Variants in B3GALT5 observed in about 807,000 individuals in gnomAD.
B3GALT5 encodes UDP-Gal:betaGlcNAc beta 1,3-galactosyltransferase, polypeptide 5.
For synonymous variants in B3GALT5, 156 were observed against 158.6 expected (o/e 0.98, Z 0.12); for missense variants, 328 against 396.6 (o/e 0.83, Z 1.47).
At chr21:39,652,300 A>G (rs1464244003) in intron 2 of B3GALT5, among the ~76,000 whole-genome samples, 1 of 152,226 alleles carries the variant, frequency 6.6e-6, no homozygotes, top group Non-Finnish European at 1.5e-5. Context: ...CCTGTTTGTC[A>G]TATAACTGGA....
chr21:39,644,946 C>T (rs498027), intron 1 of B3GALT5, among the ~76,000 whole-genome samples: 39,674 of 151,982 alleles, frequency 0.26, 5,305 homozygotes, highest in South Asian at 0.4. Flanking sequence ...CCTTTCTTCT[C>T]ACTCTTCTTA....
rs1361979223 is a variant in B3GALT5 at position 39,639,458 on chromosome 21, T to C, written c.-391-6934T>C. ...TTTCTTTCTTTCTTTCTTTCTTTTT[T>C]TCTTTCTCTCTCTCTCTCTCTTTCT... On this transcript the variant is annotated intron_variant, in intron 1 of 3. Transcript: ENST00000684187. 2.2e-4 allele frequency among the ~76,000 whole-genome samples: 30 copies of C among 134,280 alleles called. 1 individual carries two copies. Among genetic ancestry groups the C allele is most frequent in the African/African-American group, 9.0e-4 (30 of 33,488 alleles). 88.1% of individuals were successfully genotyped at this position (134,280 alleles called of 152,430 possible).
At chr21:39,657,987 G>A in intron 2 of B3GALT5, 1 of 1,119,334 alleles carries the variant, frequency 8.9e-7, no homozygotes, top group Non-Finnish European at 1.1e-6. Context: ...TTTGCAGCTG[G>A]CCTGGGGTGG....
At chr21:39,658,229 G>A (rs1007584935) in intron 2 of B3GALT5, among the ~76,000 whole-genome samples, 5 of 152,042 alleles carry the variant, frequency 3.3e-5, no homozygotes, top group Admixed American at 6.5e-5. Context: ...AAATGACCCC[G>A]GGTCATTTGG....
At chr21:39,650,426 C>T (rs1184232620) in intron 2 of B3GALT5, among the ~76,000 whole-genome samples, 1 of 152,322 alleles carries the variant, frequency 6.6e-6, no homozygotes, top group African/African-American at 2.4e-5. Context: ...CCTCACGGAG[C>T]TTCCTGTGGC....
intron 1 of B3GALT5, among the ~76,000 whole-genome samples, chr21:39,643,913 G>A (rs948810208): frequency 2.6e-5 from 4 of 152,142 alleles, no homozygotes; most frequent in African/African-American, 7.2e-5. Flanking sequence ...TCTTGTGGAA[G>A]TGATTGACAC....
intron 2 of B3GALT5, among the ~76,000 whole-genome samples, chr21:39,653,534 G>A (rs1415869052): frequency 6.6e-6 from 1 of 152,234 alleles, no homozygotes; most frequent in African/African-American, 2.4e-5. Flanking sequence ...CCCCTGTGGT[G>A]TTACAGGAGT....
In B3GALT5 at chr21:39,617,214, A is replaced by G. The variant is rs533540274; in HGVS notation, c.-392+4147A>G. On this transcript the variant is annotated intron_variant, in intron 1 of 3. Coordinates refer to ENST00000684187, the MANE Select transcript of B3GALT5 (RefSeq NM_001356336.2). ...TTATGGTATTGACTTCAATATTTCAAGCTCTCTAAAATGGTTTCGTATGGT... is the reference window on the plus strand; with the variant it reads ...TTATGGTATTGACTTCAATATTTCAGGCTCTCTAAAATGGTTTCGTATGGT... Among the ~76,000 whole-genome samples the G allele has an allele frequency of 5.3e-5, 8 of 152,324 alleles. No individual in the cohort carries two copies. The South Asian group carries it at 1.4e-3, about 28-fold the overall frequency.
In B3GALT5 at chr21:39,670,319, A is replaced by C. The variant is rs1287893588; in HGVS notation, c.*8827A>C. ...TGCTCAGTGGAAGCTGGTTCTGAAC[A>C]ATGTTAACTGCCCCACCCGTGTCCA... On this transcript the variant is annotated 3_prime_UTR_variant, in exon 4 of 4. Transcript: ENST00000684187. 1 of 152,070 alleles carries C rather than the reference A, an allele frequency of 6.6e-6. No homozygotes were observed. Among genetic ancestry groups the C allele is most frequent in the African/African-American group, 2.4e-5 (1 of 41,402 alleles). 9.4% of individuals were successfully genotyped at this position (152,070 alleles called of 1,614,324 possible).
At chr21:39,654,323 C>A (rs2079421695) in intron 2 of B3GALT5, among the ~76,000 whole-genome samples, 1 of 152,192 alleles carries the variant, frequency 6.6e-6, no homozygotes, top group Non-Finnish European at 1.5e-5. Flanking sequence ...CTCAAGTGAT[C>A]TGCCTGCCTT....
Position 39,659,557 on chromosome 21 carries a change from T to A in B3GALT5, c.-160-196T>A, listed in dbSNP as rs146635655. 4.8e-3 allele frequency among the ~76,000 whole-genome samples: 733 copies of A among 152,304 alleles called. 7 individuals are homozygous for A. The highest frequency in any genetic ancestry group is 0.017 in the African/African-American group (702 of 41,560). On this transcript the variant is annotated intron_variant, in intron 2 of 3. Coordinates refer to ENST00000684187, the MANE Select transcript of B3GALT5 (RefSeq NM_001356336.2). The stretch of plus-strand genomic sequence containing the variant: ...AGGATTCTGGGGGATTGGCATATTG[T>A]TACTGTTGTGGACTTTGTTTGCCTT...
intron 1 of B3GALT5, among the ~76,000 whole-genome samples, chr21:39,640,857 A>C (rs1218055530): frequency 6.6e-6 from 1 of 152,084 alleles, no homozygotes; most frequent in African/African-American, 2.4e-5. Flanking sequence ...CTCCTGCCTC[A>C]GCCCCCTGAG....
intron 1 of B3GALT5, among the ~76,000 whole-genome samples, chr21:39,640,105 T>C (rs945253090): frequency 6.6e-6 from 1 of 152,104 alleles, no homozygotes; most frequent in South Asian, 2.1e-4. Context: ...GTTATTCCCA[T>C]TTGATAGATG....
chr21:39,642,202 A>G (rs2079295437), intron 1 of B3GALT5, among the ~76,000 whole-genome samples: 1 of 152,260 alleles, frequency 6.6e-6, no homozygotes, highest in Non-Finnish European at 1.5e-5. Flanking sequence ...ACTTGGATTC[A>G]TGGGCTCTGA....
At position 39,661,167 on chromosome 21, in the gene B3GALT5, C is replaced by G. The variant is rs2079516697; in HGVS notation, c.608C>G (p.Ser203Cys). Residue 203 changes from serine to cysteine, a missense_variant, in exon 4 of 4, where the codon TCT (serine) becomes TGT (cysteine). Physicochemically the swap from Ser to Cys is moderately radical, Grantham distance 112. Transcript: ENST00000684187. This position sits in a 1 kb window ranked among gnomAD's most constrained non-coding sequence, Gnocchi z 4.7. ...TTCAGCAAGTGGTTTGTCAGTAAAT[C>G]TGAATATCCGTGGGACAGGTACCCA... ...QPFSKWFVSKSEYPWDRYPPF... is the reference protein window; with the variant it reads ...QPFSKWFVSKCEYPWDRYPPF... 1 of 1,614,090 alleles carries G rather than the reference C, an allele frequency of 6.2e-7. No homozygotes were observed. Among genetic ancestry groups the G allele is most frequent in the East Asian group, 2.2e-5 (1 of 44,888 alleles).
chr21:39,634,415 C>T (rs548623834), intron 1 of B3GALT5, among the ~76,000 whole-genome samples: 1 of 152,194 alleles, frequency 6.6e-6, no homozygotes, highest in Non-Finnish European at 1.5e-5. Context: ...GGGAAAATCA[C>T]TGTCTGCCAC....
intron 1 of B3GALT5, among the ~76,000 whole-genome samples, chr21:39,645,773 A>G (rs540570609): frequency 7.2e-5 from 11 of 152,292 alleles, no homozygotes; most frequent in African/African-American, 2.6e-4. Context: ...CCACACCCCA[A>G]GGGCAGGCAG....
At chr21:39,656,271 T>G (rs28723541) in intron 2 of B3GALT5, among the ~76,000 whole-genome samples, 4,645 of 152,266 alleles carry the variant, frequency 0.031, 260 homozygotes, top group African/African-American at 0.11. Flanking sequence ...CCAAGGCCTA[T>G]GCGGTGGTGA....
At chr21:39,639,404 C>CTT (rs879380982) in intron 1 of B3GALT5, among the ~76,000 whole-genome samples, 45 of 67,944 alleles carry the variant, frequency 6.6e-4, no homozygotes, top group African/African-American at 2.0e-3. Context: ...CTTTCTTTTT[C>CTT]TTTCTTTCTT....
Sources: gnomAD v4.1 joint callset for allele counts (sites outside exome capture counted in the v4.1 genomes callset) on GRCh38, gnomAD v4.1.1 for gene constraint, Gnocchi (gnomAD v3.1) non-coding constraint, MANE v1.5 for transcripts, NCBI Gene and HGNC (gene_info 2026-07-23, HGNC 2026-07-21) for gene names.